The following RIMBP3B variants were observed in gnomAD, a reference collection of about 807,000 sequenced individuals.
RIMBP3B encodes the protein RIMS binding protein 3B.
At chr22:21,388,842 G>GT in exon 1 of RIMBP3B, 2 of 463,966 alleles carry the variant, frequency 4.3e-6, no homozygotes, top group Non-Finnish European at 7.3e-6. Flanking sequence ...AGAAGCAAGC[G>GT]TTCAGACCCT....
At chr22:21,388,270 A>ACC in the RIMBP3B span, 1 of 688,580 alleles carries the variant, frequency 1.5e-6, no homozygotes, top group Non-Finnish European at 2.5e-6. Context: ...ATGTCTGCCA[A>ACC]CCTCAAGGCT....
chr22:21,388,618 T>TG, the RIMBP3B span: 2 of 1,375,274 alleles, frequency 1.5e-6, no homozygotes, highest in Non-Finnish European at 9.8e-7. Flanking sequence ...GATGGGCAAA[T>TG]GGGGGGCCAG....
exon 1 of RIMBP3B, chr22:21,388,906 G>GT: frequency 2.6e-6 from 1 of 389,178 alleles, no homozygotes; most frequent in Non-Finnish European, 4.3e-6. Context: ...AAGTGCCACT[G>GT]TGTTAAACTG....
exon 1 of RIMBP3B, chr22:21,387,210 T>C (rs1922256760): frequency 1.9e-6 from 1 of 522,768 alleles, no homozygotes. Flanking sequence ...AGCTGGGTCC[T>C]CCAATGGAGT....
At chr22:21,387,504 CAGA>C in exon 1 of RIMBP3B, 1 of 167,028 alleles carries the variant, frequency 6.0e-6, no homozygotes. Context: ...CGTCTGCCCC[CAGA>C]AGCTGTCACT....
chr22:21,388,654 CAGGAGA>C, exon 1 of RIMBP3B: 2 of 1,204,026 alleles, frequency 1.7e-6, no homozygotes. Flanking sequence ...GCGCTGAGGG[CAGGAGA>C]CGTGGTCATG....
At position 21,387,081 on chromosome 22, in the gene RIMBP3B, A is replaced by G; in HGVS notation, c.3223A>G (p.Thr1075Ala). Residue 1075 changes from threonine (T) to alanine (A), a missense_variant, in exon 1 of 1, where the codon ACC (threonine) becomes GCC (alanine). By Grantham distance (58) the Thr-to-Ala change is moderately conservative (BLOSUM62 0). Transcript: ENST00000620804. Reference sequence around the variant, plus strand: ...GGTGTATTGGGGAACTATGTCCTCCACCGTCACCTTCGACACACTCTTGGC... The same window carrying G: ...GGTGTATTGGGGAACTATGTCCTCCGCCGTCACCTTCGACACACTCTTGGC... 2 of 560,282 alleles carry G rather than the reference A, an allele frequency of 3.6e-6. 1 individual carries two copies. The highest frequency in any genetic ancestry group is 5.5e-6 in the Non-Finnish European group (2 of 366,640). 34.7% of individuals were successfully genotyped at this position (560,282 alleles called of 1,614,324 possible).
At chr22:21,388,694 A>AG in the RIMBP3B span, 1 of 1,006,854 alleles carries the variant, frequency 9.9e-7, no homozygotes, top group African/African-American at 2.0e-5. Context: ...TGGATGACCA[A>AG]GGATTCTATT....
the RIMBP3B span, chr22:21,388,123 AG>A: frequency 8.8e-6 from 4 of 455,228 alleles, no homozygotes; most frequent in African/African-American, 6.6e-5. Context: ...CAGCTCCATG[AG>A]CCCAGCTCGG....
exon 1 of RIMBP3B, chr22:21,387,165 C>CTGG (rs1922255964): frequency 1.6e-6 from 1 of 607,036 alleles, no homozygotes; most frequent in Admixed American, 3.1e-5. Flanking sequence ...GCCAGGTGTC[C>CTGG]TGGTGGTCAG....
exon 1 of RIMBP3B, chr22:21,388,797 G>GT: frequency 2.0e-6 from 1 of 510,322 alleles, no homozygotes; most frequent in African/African-American, 4.1e-5. Context: ...CCTTGCCCAG[G>GT]TAGTGGCCTC....
chr22:21,389,102 G>GT, exon 1 of RIMBP3B: 2 of 61,514 alleles, frequency 3.3e-5, no homozygotes, highest in Non-Finnish European at 5.3e-5. Context: ...TCTCTGGGAG[G>GT]TTAAGGTTAT....
chr22:21,388,306 AAAGGCAGTTGCT>A, exon 1 of RIMBP3B: 1 of 868,664 alleles, frequency 1.2e-6, no homozygotes, highest in Non-Finnish European at 1.8e-6. Flanking sequence ...GTCTTCCAGA[AAAGGCAGTTGCT>A]AAGAGTGTGG....
At chr22:21,387,624 CCA>C in the RIMBP3B span, 1 of 103,220 alleles carries the variant, frequency 9.7e-6, no homozygotes, top group Admixed American at 1.3e-4. Context: ...GAGGCAATCC[CCA>C]GTGTCCAACC....
chr22:21,388,504 T>TCAC (rs761763828), exon 1 of RIMBP3B: 30 of 1,611,824 alleles, frequency 1.9e-5, no homozygotes, highest in Non-Finnish European at 2.4e-5. Context: ...TTTCAGGGGC[T>TCAC]CACCATCCCC....
chr22:21,387,390 CCTG>C, exon 1 of RIMBP3B: 1 of 193,738 alleles, frequency 5.2e-6, no homozygotes, highest in East Asian at 3.9e-5. Flanking sequence ...GGATTCAGTG[CCTG>C]CTCAGATCCC....
At chr22:21,388,615 A>AAATGGGGG in the RIMBP3B span, 3 of 1,386,534 alleles carry the variant, frequency 2.2e-6, no homozygotes, top group Non-Finnish European at 9.8e-7. Context: ...GGGGATGGGC[A>AAATGGGGG]AATGGGGGGC....
chr22:21,388,492 AC>A, the RIMBP3B span: 2 of 1,611,758 alleles, frequency 1.2e-6, no homozygotes, highest in African/African-American at 1.3e-5. Context: ...CACCTCGAGG[AC>A]TTTCAGGGGC....
chr22:21,389,427 C>A, exon 1 of RIMBP3B: 1 of 11,542 alleles, frequency 8.7e-5, no homozygotes, highest in South Asian at 8.2e-3. Flanking sequence ...AACGAGCTCT[C>A]AGAATGTTAT....
Sources: allele counts gnomAD v4.1 joint callset, GRCh38; gene constraint gnomAD v4.1.1; transcripts MANE v1.5; gene names NCBI Gene and HGNC (gene_info 2026-07-23, HGNC 2026-07-21).